The following FMN1 variants were observed in gnomAD, a reference collection of about 807,000 sequenced individuals.
FMN1 encodes the protein formin 1.
In FMN1, 110 loss-of-function variants were observed where a neutral mutation model predicts 132.4. The ratio of observed to expected loss-of-function variants is 0.83; its 90% CI spans 0.71 to 0.97. FMN1 has a LOEUF of 0.97. Among genes scored for constraint, FMN1 ranks in the 50% least tolerant of loss-of-function variants. The pLI, the probability that FMN1 is intolerant of heterozygous loss-of-function variation, is 0.00. For synonymous variants in FMN1, 722 were observed against 651.7 expected, an observed-to-expected ratio of 1.11 and a Z score of -1.64; for missense variants, 1,792 against 1,705.3, an observed-to-expected ratio of 1.05 and a Z score of -0.90.
chr15:33,178,712 A>C (rs1276465401), intron 3 of FMN1, among the ~76,000 whole-genome samples: 1 of 152,202 alleles, frequency 6.6e-6, no homozygotes, highest in Non-Finnish European at 1.5e-5. Flanking sequence ...TGATAGATAC[A>C]CTGGCATTCA....
At chr15:33,062,473 A>T (rs963206600) in intron 6 of FMN1, among the ~76,000 whole-genome samples, 6 of 152,046 alleles carry the variant, frequency 3.9e-5, no homozygotes, top group Non-Finnish European at 8.8e-5. Flanking sequence ...TGCAAAAAAA[A>T]TAGTCGGGCA....
chr15:33,167,688 T>C (rs1444821563), intron 3 of FMN1, among the ~76,000 whole-genome samples: 1 of 152,234 alleles, frequency 6.6e-6, no homozygotes, highest in Non-Finnish European at 1.5e-5. Context: ...ACATAAACAG[T>C]TGATTAACAC....
At chr15:32,828,139 T>C (rs1229490079) in intron 17 of FMN1, among the ~76,000 whole-genome samples, 1 of 152,066 alleles carries the variant, frequency 6.6e-6, no homozygotes, top group Non-Finnish European at 1.5e-5. Context: ...GCCGGCATGG[T>C]AGCAGGTACC....
At chr15:32,893,046 G>A (rs898738619) in intron 15 of FMN1, among the ~76,000 whole-genome samples, 4 of 152,210 alleles carry the variant, frequency 2.6e-5, no homozygotes, top group African/African-American at 7.2e-5. Context: ...TTTAGCAGGA[G>A]ACATCTAATT....
At position 32,777,709 on chromosome 15, in the gene FMN1, C is replaced by T. The variant is rs976296521; in HGVS notation, c.4131-790G>A. Among the ~76,000 whole-genome samples the T allele has an allele frequency of 3.0e-5, 3 of 98,666 alleles. 1 individual carries two copies. The highest frequency in any genetic ancestry group is 6.4e-5 in the Non-Finnish European group (3 of 47,040). The allele number at this position is 98,666 out of a possible 152,430, so 64.7% of individuals were successfully genotyped here. On this transcript the variant is annotated intron_variant, in intron 19 of 20. Coordinates refer to ENST00000616417, the MANE Select transcript of FMN1 (RefSeq NM_001277313.2). ...TTACGTATAACATATAACACATTTA[C>T]TTATATATTACGTATAATATATAAT...
At chr15:32,949,763 C>T (rs1022240222) in intron 9 of FMN1, among the ~76,000 whole-genome samples, 1 of 151,032 alleles carries the variant, frequency 6.6e-6, no homozygotes, top group Non-Finnish European at 1.5e-5. Context: ...ACAGAGTGAA[C>T]AGACAACCTA....
At chr15:32,821,601 G>C (rs546188882) in intron 17 of FMN1, among the ~76,000 whole-genome samples, 2 of 151,678 alleles carry the variant, frequency 1.3e-5, no homozygotes, top group African/African-American at 4.8e-5. Flanking sequence ...ACAGGCGCCC[G>C]CCACCATGCC....
intron 9 of FMN1, among the ~76,000 whole-genome samples, chr15:32,933,419 C>T (rs947782208): frequency 1.3e-5 from 2 of 152,138 alleles, no homozygotes; most frequent in Non-Finnish European, 2.9e-5. Context: ...GGAGAATGTG[C>T]ACTTGAGAAG....
intron 6 of FMN1, among the ~76,000 whole-genome samples, chr15:33,053,230 C>T (rs1437860470): frequency 1.3e-5 from 2 of 152,200 alleles, no homozygotes; most frequent in Non-Finnish European, 2.9e-5. Flanking sequence ...ACCATCCACC[C>T]GGCTGCAGAC....
At chr15:33,087,796 T>A (rs2038753571) in intron 5 of FMN1, among the ~76,000 whole-genome samples, 1 of 118,158 alleles carries the variant, frequency 8.5e-6, no homozygotes, top group Non-Finnish European at 1.9e-5. Flanking sequence ...GGTATATATT[T>A]ACATATATAC....
Position 32,897,583 on chromosome 15 carries a change from C to T in FMN1, c.3714+1251G>A, listed in dbSNP as rs193221979. Among the ~76,000 whole-genome samples the T allele has an allele frequency of 4.6e-5, 7 of 152,156 alleles. No homozygotes were observed. The East Asian group carries it at 9.6e-4, about 21-fold the overall frequency. Reference sequence around the variant, plus strand: ...AGGTCTTGAGTTGGATCACAGAATACGTGTAGAGGGAAAGTAATAAAAGCA... The same window carrying T: ...AGGTCTTGAGTTGGATCACAGAATATGTGTAGAGGGAAAGTAATAAAAGCA... On this transcript the variant is annotated intron_variant, in intron 15 of 20. Transcript: ENST00000616417.
intron 7 of FMN1, among the ~76,000 whole-genome samples, chr15:32,980,231 A>T (rs1419620310): frequency 6.6e-6 from 1 of 152,112 alleles, no homozygotes; most frequent in Non-Finnish European, 1.5e-5. Flanking sequence ...ACAAAATTGA[A>T]TATAATCTTA....
chr15:32,923,813 C>T lies in FMN1; in HGVS notation c.3226+2361G>A, dbSNP rs142813044. The stretch of plus-strand genomic sequence containing the variant: ...GACTTCTATCCATGGGGAAATCTGA[C>T]GCACTGCAGTAGGACATGCTTAAAA... On this transcript the variant is annotated intron_variant, in intron 10 of 20. Transcript: ENST00000616417. Among the ~76,000 whole-genome samples, 49 of 152,300 alleles carry T rather than the reference C, an allele frequency of 3.2e-4. No individual in the cohort carries two copies. The East Asian group carries it at 8.9e-3, about 28-fold the overall frequency.
chr15:32,991,327 C>G (rs2033421090), intron 7 of FMN1, among the ~76,000 whole-genome samples: 1 of 152,180 alleles, frequency 6.6e-6, no homozygotes, highest in Admixed American at 6.5e-5. Context: ...CTATTTAGAT[C>G]TCTTGCTGGA....
At chr15:33,148,714 G>C (rs1220912988) in intron 4 of FMN1, among the ~76,000 whole-genome samples, 3 of 152,136 alleles carry the variant, frequency 2.0e-5, no homozygotes, top group African/African-American at 4.8e-5. Flanking sequence ...GCAGGTATCT[G>C]TTTCCTCTCA....
At chr15:32,941,484 T>C (rs1322171814) in intron 9 of FMN1, among the ~76,000 whole-genome samples, 1 of 152,214 alleles carries the variant, frequency 6.6e-6, no homozygotes, top group East Asian at 1.9e-4. Flanking sequence ...AATGCACACA[T>C]TTATAGCCAT....
chr15:32,894,097 G>A (rs567389386), intron 15 of FMN1, among the ~76,000 whole-genome samples: 3 of 152,168 alleles, frequency 2.0e-5, no homozygotes, highest in South Asian at 2.1e-4. Context: ...CTCATATCTA[G>A]TTCTTTACAG....
intron 10 of FMN1, among the ~76,000 whole-genome samples, chr15:32,919,651 C>T (rs1318950223): frequency 2.0e-5 from 3 of 152,168 alleles, no homozygotes; most frequent in Admixed American, 1.3e-4. Flanking sequence ...GAAACATGCA[C>T]TCAAACTTTT....
chr15:33,133,240 G>T (rs539209527), intron 4 of FMN1, among the ~76,000 whole-genome samples: 1 of 152,322 alleles, frequency 6.6e-6, no homozygotes, highest in African/African-American at 2.4e-5. Context: ...CAAAGAAGGA[G>T]AGTGTGTGGT....
Sources: gnomAD v4.1 joint callset for allele counts (sites outside exome capture counted in the v4.1 genomes callset) on GRCh38, gnomAD v4.1.1 for gene constraint, MANE v1.5 for transcripts, NCBI Gene and HGNC (gene_info 2026-07-23, HGNC 2026-07-21) for gene names.